Variants in ZNF804B observed in about 807,000 individuals in gnomAD.
ZNF804B encodes the protein zinc finger protein 804B.
Under a neutral mutation model 101.4 loss-of-function variants are expected in ZNF804B, and 80 were observed. The ratio of observed to expected loss-of-function variants is 0.79; its 90% CI spans 0.66 to 0.95. ZNF804B has a LOEUF of 0.95. Ranked by LOEUF, ZNF804B falls within the 40% of genes least tolerant of loss-of-function variation. ZNF804B has a pLI of 0.00. For synonymous variants in ZNF804B, 622 were observed against 558.8 expected, an observed-to-expected ratio of 1.11 and a Z score of -1.59; for missense variants, 1,673 against 1,561.9, an observed-to-expected ratio of 1.07 and a Z score of -1.20.
At chr7:89,122,780 A>G (rs1790425277) in intron 1 of ZNF804B, among the ~76,000 whole-genome samples, 1 of 152,136 alleles carries the variant, frequency 6.6e-6, no homozygotes, top group East Asian at 1.9e-4. Flanking sequence ...CCATGAATCG[A>G]AGCAAGCTGT....
At chr7:89,225,985 A>G (rs1265624111) in intron 2 of ZNF804B, among the ~76,000 whole-genome samples, 2 of 152,182 alleles carry the variant, frequency 1.3e-5, no homozygotes, top group Non-Finnish European at 2.9e-5. Context: ...AATGACAATG[A>G]GGGAAGAGAA....
intron 2 of ZNF804B, among the ~76,000 whole-genome samples, chr7:89,227,478 T>G (rs1789111739): frequency 6.6e-6 from 1 of 151,960 alleles, no homozygotes; most frequent in African/African-American, 2.4e-5. Flanking sequence ...GAGCTAACAT[T>G]ATAGAGAGTG....
At chr7:88,885,047 G>T (rs1459408183) in intron 1 of ZNF804B, among the ~76,000 whole-genome samples, 1 of 151,882 alleles carries the variant, frequency 6.6e-6, no homozygotes, top group African/African-American at 2.4e-5. Flanking sequence ...CAATGCAAAA[G>T]AGGAAGCATT....
intron 1 of ZNF804B, among the ~76,000 whole-genome samples, chr7:88,996,691 A>G (rs556474054): frequency 1.3e-5 from 2 of 152,150 alleles, no homozygotes; most frequent in Non-Finnish European, 2.9e-5. Context: ...CTTTAAAGCT[A>G]TATAGAGCTT....
At chr7:88,967,152 A>G (rs1332825451) in intron 1 of ZNF804B, among the ~76,000 whole-genome samples, 2 of 151,598 alleles carry the variant, frequency 1.3e-5, no homozygotes, top group African/African-American at 4.8e-5. Context: ...GCACATTGCT[A>G]TGAAGAACTA....
chr7:88,921,323 AGGTGAAT>A (rs1792715683), intron 1 of ZNF804B, among the ~76,000 whole-genome samples: 1 of 152,116 alleles, frequency 6.6e-6, no homozygotes, highest in Non-Finnish European at 1.5e-5. Flanking sequence ...TGAGAGACAC[AGGTGAAT>A]AGGAGGGACC....
intron 1 of ZNF804B, among the ~76,000 whole-genome samples, chr7:88,768,184 T>C (rs1054536222): frequency 2.6e-5 from 4 of 152,200 alleles, no homozygotes; most frequent in African/African-American, 7.2e-5. Flanking sequence ...CATTTGACAA[T>C]AGTGTAGCTG....
chr7:88,899,696 A>G (rs981668815), intron 1 of ZNF804B, among the ~76,000 whole-genome samples: 3 of 152,144 alleles, frequency 2.0e-5, no homozygotes, highest in Non-Finnish European at 4.4e-5. Context: ...ACTTCAATTT[A>G]TTCAAGACAA....
intron 1 of ZNF804B, among the ~76,000 whole-genome samples, chr7:89,062,697 A>G (rs1441630422): frequency 6.6e-6 from 1 of 152,072 alleles, no homozygotes; most frequent in Non-Finnish European, 1.5e-5. Context: ...CTAACACATC[A>G]TCACCTGCCC....
chr7:89,112,966 A>G (rs1026831276), intron 1 of ZNF804B, among the ~76,000 whole-genome samples: 5 of 152,248 alleles, frequency 3.3e-5, no homozygotes, highest in Non-Finnish European at 5.9e-5. Flanking sequence ...GATATGGAAT[A>G]CAGGGGCCTG....
chr7:89,143,630 A>T (rs1181757442), intron 1 of ZNF804B, among the ~76,000 whole-genome samples: 1 of 151,978 alleles, frequency 6.6e-6, no homozygotes, highest in Non-Finnish European at 1.5e-5. Flanking sequence ...ATGATTTCAC[A>T]TTCTTCCACT....
chr7:88,950,044 G>A (rs868604753), intron 1 of ZNF804B, among the ~76,000 whole-genome samples: 1 of 151,850 alleles, frequency 6.6e-6, no homozygotes, highest in Non-Finnish European at 1.5e-5. Flanking sequence ...ATTTTTGTAT[G>A]TTAACCATAT....
At chr7:89,256,185 A>C (rs1479283994) in intron 2 of ZNF804B, among the ~76,000 whole-genome samples, 1 of 152,152 alleles carries the variant, frequency 6.6e-6, no homozygotes, top group Non-Finnish European at 1.5e-5. Flanking sequence ...GTACCAAGAG[A>C]CTTTTACAAT....
chr7:88,914,880 A>G (rs536007291), intron 1 of ZNF804B, among the ~76,000 whole-genome samples: 59 of 152,314 alleles, frequency 3.9e-4, no homozygotes, highest in Non-Finnish European at 7.4e-4. Context: ...GATTTAGTAG[A>G]ACAAAGTATT....
chr7:89,172,474 TC>T (rs1791251165), intron 1 of ZNF804B, among the ~76,000 whole-genome samples: 1 of 152,184 alleles, frequency 6.6e-6, no homozygotes. Flanking sequence ...TTTACCATAC[TC>T]CTTGTTGATT....
intron 3 of ZNF804B, among the ~76,000 whole-genome samples, chr7:89,329,802 AT>A (rs982739658): frequency 2.0e-5 from 3 of 151,710 alleles, no homozygotes; most frequent in Middle Eastern, 3.4e-3. Context: ...GAGACTATGA[AT>A]TTTTTAAGTG....
At chr7:89,202,617 T>A (rs1788659749) in intron 1 of ZNF804B, among the ~76,000 whole-genome samples, 1 of 152,168 alleles carries the variant, frequency 6.6e-6, no homozygotes, top group Non-Finnish European at 1.5e-5. Context: ...TCCATGTATA[T>A]GTCTTGAGTT....
intron 2 of ZNF804B, among the ~76,000 whole-genome samples, chr7:89,271,930 T>G (rs1789904265): frequency 6.6e-6 from 1 of 152,120 alleles, no homozygotes; most frequent in Non-Finnish European, 1.5e-5. Context: ...CTGTATCATA[T>G]TTGATTTATT....
chr7:88,788,603 G>C (rs1395529682), intron 1 of ZNF804B, among the ~76,000 whole-genome samples: 1 of 152,100 alleles, frequency 6.6e-6, no homozygotes, highest in Non-Finnish European at 1.5e-5. Context: ...CTCTTCCAGA[G>C]TATATGCTCA....
Sources: allele counts gnomAD v4.1 joint callset (sites outside exome capture counted in the v4.1 genomes callset), GRCh38; gene constraint gnomAD v4.1.1; transcripts MANE v1.5; gene names NCBI Gene and HGNC (gene_info 2026-07-23, HGNC 2026-07-21).